GPM6A: variants seen among roughly 807,000 people sequenced by gnomAD.
GPM6A encodes the protein neuronal membrane glycoprotein M6-a.
A neutral mutation model predicts 32.1 loss-of-function variants in GPM6A; 7 were observed. The ratio of observed to expected loss-of-function variants is 0.22; its 90% confidence interval spans 0.12 to 0.41. GPM6A has a LOEUF of 0.41. Among genes scored for constraint, GPM6A ranks in the 10% least tolerant of loss-of-function variants. The pLI is 1.00. For missense variants in GPM6A, 235 were observed against 347.2 expected (o/e 0.68, Z 2.57); for synonymous variants, 130 against 123.4 (o/e 1.05, Z -0.35).
chr4:175,989,320 TA>T (rs1699883766), intron 1 of GPM6A, among the ~76,000 whole-genome samples: 1 of 152,112 alleles, frequency 6.6e-6, no homozygotes, highest in African/African-American at 2.4e-5. Context: ...ATAGCCTCTT[TA>T]AACATTCATC....
chr4:175,852,606 T>C (rs1289639961), intron 1 of GPM6A, among the ~76,000 whole-genome samples: 1 of 152,162 alleles, frequency 6.6e-6, no homozygotes. Context: ...GTAATAAGTA[T>C]TTACACTCCC....
At chr4:175,649,659 C>T (rs567406767) in intron 4 of GPM6A, among the ~76,000 whole-genome samples, 15 of 152,168 alleles carry the variant, frequency 9.9e-5, no homozygotes, top group Non-Finnish European at 2.2e-4. Context: ...ATCCGACCCT[C>T]ATGTTTTCCT....
chr4:175,736,753 T>C (rs1012786828), intron 1 of GPM6A, among the ~76,000 whole-genome samples: 2 of 152,248 alleles, frequency 1.3e-5, no homozygotes, highest in Non-Finnish European at 2.9e-5. Flanking sequence ...TTAATATAAA[T>C]GCAAATTATA....
At chr4:175,913,063 T>C (rs1738372436) in intron 1 of GPM6A, among the ~76,000 whole-genome samples, 1 of 152,238 alleles carries the variant, frequency 6.6e-6, no homozygotes, top group Non-Finnish European at 1.5e-5. Flanking sequence ...GTAGAAAATT[T>C]ACTAACTCTT....
chr4:175,811,010 T>G (rs1734896809), intron 1 of GPM6A, among the ~76,000 whole-genome samples: 1 of 152,172 alleles, frequency 6.6e-6, no homozygotes, highest in African/African-American at 2.4e-5. Flanking sequence ...ATCTCTTGCT[T>G]ATATAAAACC....
chr4:175,668,514 C>T (rs1267595361), intron 3 of GPM6A, among the ~76,000 whole-genome samples: 2 of 22,492 alleles, frequency 8.9e-5, no homozygotes, highest in East Asian at 3.6e-3. Context: ...AGGATTCAAA[C>T]GTTTATGTGT....
rs1039859180 is a variant in GPM6A at position 175,945,710 on chromosome 4, A to T, written c.-23+56599T>A. Among the ~76,000 whole-genome samples, 7 of 151,194 alleles carry T rather than the reference A, an allele frequency of 4.6e-5. 1 individual carries two copies. Among genetic ancestry groups the T allele is most frequent in the African/African-American group, 1.7e-4 (7 of 41,218 alleles). On this transcript the variant is annotated intron_variant, in intron 1 of 7. Coordinates refer to the GPM6A transcript ENST00000280187. Reference sequence around the variant, plus strand: ...ATAACTTATATTACTTGTAAGTTATATTACTTATAATTAAGTAATACGGGT... The same window carrying T: ...ATAACTTATATTACTTGTAAGTTATTTTACTTATAATTAAGTAATACGGGT...
At chr4:175,967,939 A>T (rs1740378372) in intron 1 of GPM6A, among the ~76,000 whole-genome samples, 1 of 152,234 alleles carries the variant, frequency 6.6e-6, no homozygotes, top group African/African-American at 2.4e-5. Flanking sequence ...ATGGAAAGAA[A>T]CAGAAAAAAT....
At chr4:175,637,766 A>C (rs1740878613) in intron 6 of GPM6A, among the ~76,000 whole-genome samples, 1 of 84,516 alleles carries the variant, frequency 1.2e-5, no homozygotes, top group East Asian at 3.2e-4. Flanking sequence ...TAATATAAAA[A>C]TATATAATCT....
At chr4:175,676,339 C>A (rs1743365554) in intron 2 of GPM6A, among the ~76,000 whole-genome samples, 1 of 152,152 alleles carries the variant, frequency 6.6e-6, no homozygotes, top group Non-Finnish European at 1.5e-5. Context: ...TACACCCAGC[C>A]TCCCTTTAAT....
chr4:175,746,406 A>T (rs1171604616), intron 1 of GPM6A, among the ~76,000 whole-genome samples: 1 of 152,192 alleles, frequency 6.6e-6, no homozygotes, highest in Admixed American at 6.6e-5. Context: ...TAACCTGTAT[A>T]TAAATGTACA....
At chr4:175,666,801 T>C (rs1188828553) in intron 3 of GPM6A, among the ~76,000 whole-genome samples, 1 of 152,220 alleles carries the variant, frequency 6.6e-6, no homozygotes, top group Non-Finnish European at 1.5e-5. Context: ...TGTGAATGAA[T>C]GTATCCAGAT....
At chr4:175,930,454 T>C (rs1301762496) in intron 1 of GPM6A, among the ~76,000 whole-genome samples, 1 of 151,668 alleles carries the variant, frequency 6.6e-6, no homozygotes, top group Non-Finnish European at 1.5e-5. Context: ...TGTTGTTTTT[T>C]TTAAGTTTCA....
At chr4:175,749,993 A>G (rs1392308829) in intron 1 of GPM6A, among the ~76,000 whole-genome samples, 1 of 152,166 alleles carries the variant, frequency 6.6e-6, no homozygotes, top group Non-Finnish European at 1.5e-5. Flanking sequence ...TTCATTTTGT[A>G]CATAAAGATC....
chr4:175,826,405 T>A (rs1735441187), intron 1 of GPM6A, among the ~76,000 whole-genome samples: 1 of 152,084 alleles, frequency 6.6e-6, no homozygotes, highest in Admixed American at 6.6e-5. Context: ...TCCAAAGCTA[T>A]CACACTTTCC....
At chr4:175,979,113 G>A (rs925469465) in intron 1 of GPM6A, among the ~76,000 whole-genome samples, 7 of 152,022 alleles carry the variant, frequency 4.6e-5, no homozygotes, top group Non-Finnish European at 1.0e-4. Context: ...ATAGAAGCTC[G>A]TTTTTACCAA....
rs977722868 is a variant in GPM6A at position 175,981,061 on chromosome 4, T to C, written c.-23+21248A>G. On this transcript the variant is annotated intron_variant, in intron 1 of 7. Coordinates refer to the GPM6A transcript ENST00000280187. ...AAAAGAAAGATTACAAATACAGGAT[T>C]TTACGGTTTGAAGCAGGAATAGGGA... Among the ~76,000 whole-genome samples the C allele has an allele frequency of 5.9e-5, 9 of 152,262 alleles. No homozygotes were observed. In the East Asian group the frequency reaches 1.7e-3, roughly 29 times the overall value.
intron 2 of GPM6A, among the ~76,000 whole-genome samples, chr4:175,690,527 A>G (rs1228870697): frequency 1.3e-5 from 2 of 152,200 alleles, no homozygotes; most frequent in South Asian, 2.1e-4. Flanking sequence ...TACTCCCTCT[A>G]AAGACTTGGA....
rs550192683 is a variant in GPM6A at position 175,665,835 on chromosome 4, A to G, written c.387+7845T>C. Among the ~76,000 whole-genome samples, 24 of 151,948 alleles carry G rather than the reference A, an allele frequency of 1.6e-4. No homozygotes were observed. The South Asian group carries it at 4.8e-3, about 30-fold the overall frequency. ...ATATACATTTTTTCCAGCAAATATT[A>G]CTGCAAAGGAAATTTCCATTTGGTG... is the stretch of plus-strand genomic sequence containing the variant. On this transcript the variant is annotated intron_variant, in intron 3 of 6. Transcript: ENST00000393658.
Sources: gnomAD v4.1 joint callset for allele counts (sites outside exome capture counted in the v4.1 genomes callset) on GRCh38, gnomAD v4.1.1 for gene constraint, MANE v1.5 for transcripts, NCBI Gene and HGNC (gene_info 2026-07-23, HGNC 2026-07-21) for gene names.